Variants in TENM2 observed in about 807,000 individuals in gnomAD.
TENM2 encodes teneurin transmembrane protein 2.
TENM2 carries 52 observed loss-of-function variants against 245.2 expected under a neutral mutation model. That is an observed-to-expected ratio of 0.21 (90% CI 0.17 to 0.27). The LOEUF (loss-of-function observed/expected upper bound fraction) is 0.27. Among genes scored for constraint, TENM2 ranks in the 10% least tolerant of loss-of-function variants. TENM2 has a pLI of 1.00. For synonymous variants in TENM2, 1,363 were observed against 1,438.9 expected (o/e 0.95, Z 1.19); for missense variants, 3,046 against 3,666.8 (o/e 0.83, Z 4.37).
At chr5:167,704,346 A>G (rs534248097) in intron 2 of TENM2, among the ~76,000 whole-genome samples, 2 of 152,202 alleles carry the variant, frequency 1.3e-5, no homozygotes, top group African/African-American at 4.8e-5. Context: ...AACTTTAAGA[A>G]TTTTGTTTTT....
the TENM2 span, among the ~76,000 whole-genome samples, chr5:167,226,777 A>G: frequency 0.21 from 32,220 of 151,820 alleles, 4,095 homozygotes; most frequent in African/African-American, 0.36. Context: ...TGTAAGTCAG[A>G]TATTGAAGTT....
chr5:168,103,905 C>T (rs887129618), intron 9 of TENM2, among the ~76,000 whole-genome samples: 3 of 152,214 alleles, frequency 2.0e-5, no homozygotes, highest in African/African-American at 7.2e-5. Context: ...AATTGGCTAG[C>T]AAGTGCCGAG....
intron 1 of TENM2, among the ~76,000 whole-genome samples, chr5:167,294,856 G>A (rs569460999): frequency 1.3e-5 from 2 of 152,192 alleles, no homozygotes; most frequent in East Asian, 1.9e-4. Flanking sequence ...AAAATATCAC[G>A]GATCTTCCTA....
At chr5:167,010,908 A>C in the TENM2 span, among the ~76,000 whole-genome samples, 1 of 152,220 alleles carries the variant, frequency 6.6e-6, no homozygotes, top group Non-Finnish European at 1.5e-5. Context: ...TGGTTTGCTC[A>C]GTACTTTATA....
chr5:167,797,050 C>T (rs747580201), intron 2 of TENM2, among the ~76,000 whole-genome samples: 10 of 152,108 alleles, frequency 6.6e-5, no homozygotes, highest in Non-Finnish European at 1.5e-4. Flanking sequence ...TGAATACCAT[C>T]CAGATAAGTT....
At chr5:167,768,917 G>C (rs1336749408) in intron 2 of TENM2, among the ~76,000 whole-genome samples, 1 of 152,192 alleles carries the variant, frequency 6.6e-6, no homozygotes, top group Non-Finnish European at 1.5e-5. Flanking sequence ...GAAGATTCTA[G>C]AGGGTGCGGC....
At chr5:168,107,901 C>T (rs1562167497) in intron 9 of TENM2, among the ~76,000 whole-genome samples, 4 of 152,248 alleles carry the variant, frequency 2.6e-5, no homozygotes, top group Non-Finnish European at 5.9e-5. Context: ...GGCAACATCG[C>T]AGCAGTGGCC....
At chr5:167,396,708 C>G (rs1762074240) in intron 2 of TENM2, among the ~76,000 whole-genome samples, 1 of 152,104 alleles carries the variant, frequency 6.6e-6, no homozygotes, top group Admixed American at 6.6e-5. Flanking sequence ...AAAGTAGTGT[C>G]CTTAGGAAGA....
intron 2 of TENM2, among the ~76,000 whole-genome samples, chr5:167,711,146 A>G (rs1437309271): frequency 6.6e-6 from 1 of 152,212 alleles, no homozygotes; most frequent in African/African-American, 2.4e-5. Flanking sequence ...GGCAGTATTC[A>G]AATCCAAGTC....
chr5:168,219,950 A>T (rs998399538), intron 23 of TENM2, among the ~76,000 whole-genome samples: 1 of 151,974 alleles, frequency 6.6e-6, no homozygotes, highest in Non-Finnish European at 1.5e-5. Context: ...GGGAGAATGT[A>T]AAAGGAAGCT....
intron 2 of TENM2, among the ~76,000 whole-genome samples, chr5:167,783,616 C>G (rs1316802252): frequency 6.6e-6 from 1 of 152,190 alleles, no homozygotes; most frequent in Admixed American, 6.5e-5. Flanking sequence ...TGTTCATTAG[C>G]CCAGCCTCTT....
chr5:168,118,458 T>C (rs1476683183), exon 10 of TENM2: 5 of 1,589,020 alleles, frequency 3.1e-6, no homozygotes, highest in Non-Finnish European at 4.3e-6. Context: ...TCTGCTCTGC[T>C]GGCTACAAAG....
intron 2 of TENM2, among the ~76,000 whole-genome samples, chr5:167,805,174 G>A (rs750769317): frequency 3.3e-5 from 5 of 152,154 alleles, no homozygotes; most frequent in Non-Finnish European, 5.9e-5. Context: ...CTCTCCCTCA[G>A]CTAACTCCTT....
At chr5:167,401,554 A>C (rs1316321376) in intron 2 of TENM2, among the ~76,000 whole-genome samples, 2 of 152,300 alleles carry the variant, frequency 1.3e-5, no homozygotes, top group East Asian at 1.9e-4. Context: ...ACTTAGCTTA[A>C]AAATGTAGTG....
intron 2 of TENM2, among the ~76,000 whole-genome samples, chr5:167,647,455 T>A (rs978288416): frequency 6.6e-6 from 1 of 151,988 alleles, no homozygotes; most frequent in Non-Finnish European, 1.5e-5. Flanking sequence ...AAACCCCGTC[T>A]CTACTAAAAA....
intron 2 of TENM2, among the ~76,000 whole-genome samples, chr5:167,549,567 A>G (rs1419383334): frequency 6.6e-6 from 1 of 152,154 alleles, no homozygotes; most frequent in African/African-American, 2.4e-5. Context: ...GAAGCAGCCT[A>G]AAAACAATGA....
chr5:167,341,523 T>A (rs933467353), intron 1 of TENM2, among the ~76,000 whole-genome samples: 4 of 152,102 alleles, frequency 2.6e-5, no homozygotes, highest in Non-Finnish European at 5.9e-5. Flanking sequence ...CTCTGAGTAT[T>A]TCAGTTAGCT....
At chr5:167,692,483 G>A (rs1757496215) in intron 2 of TENM2, among the ~76,000 whole-genome samples, 1 of 152,132 alleles carries the variant, frequency 6.6e-6, no homozygotes, top group Non-Finnish European at 1.5e-5. Flanking sequence ...CCAGTGCCTG[G>A]ACTGATAGGT....
Position 168,102,082 on chromosome 5 carries a change from G to T in TENM2, c.1813+3955G>T, listed in dbSNP as rs948130845. On this transcript the variant is annotated intron_variant, in intron 9 of 28. Transcript: ENST00000518659. ...GTGTGTGTGTGTGCGTTTTGTTGTT[G>T]TTTTTTTTGAGATAGAATTTTGCTT... 1.8e-4 allele frequency among the ~76,000 whole-genome samples: 27 copies of T among 151,552 alleles called. 1 individual carries two copies. The South Asian group carries it at 2.7e-3, about 15-fold the overall frequency.
Sources: gnomAD v4.1 joint callset for allele counts (sites outside exome capture counted in the v4.1 genomes callset) on GRCh38, gnomAD v4.1.1 for gene constraint, MANE v1.5 for transcripts, NCBI Gene and HGNC (gene_info 2026-07-23, HGNC 2026-07-21) for gene names.